GNB1L: variants seen among roughly 807,000 people sequenced by gnomAD.
GNB1L encodes G protein subunit beta 1 like.
A neutral mutation model predicts 29.1 loss-of-function variants in GNB1L; 20 were observed. That is an observed-to-expected ratio of 0.69 (90% CI 0.48 to 1.00). The LOEUF (loss-of-function observed/expected upper bound fraction) is 1.00, where lower values mean the gene tolerates loss of function less well. Among genes scored for constraint, GNB1L ranks in the 50% least tolerant of loss-of-function variants. The pLI, the probability that GNB1L is intolerant of heterozygous loss-of-function variation, is 0.00. For synonymous variants in GNB1L, 193 were observed against 206.5 expected, an observed-to-expected ratio of 0.93 and a Z score of 0.56; for missense variants, 421 against 464.9, an observed-to-expected ratio of 0.91 and a Z score of 0.87.
At chr22:19,850,619 C>T in intron 2 of GNB1L, 4 of 1,217,546 alleles carry the variant, frequency 3.3e-6, no homozygotes, top group Non-Finnish European at 4.1e-6. Context: ...CTATCCCACT[C>T]ATCCCCCAGA....
intron 7 of GNB1L, among the ~76,000 whole-genome samples, chr22:19,797,313 C>G (rs1369267939): frequency 7.5e-6 from 1 of 133,434 alleles, no homozygotes; most frequent in Non-Finnish European, 1.6e-5. Context: ...CCCAGCCCAG[C>G]AGAGTGGGCG....
rs146316640 is a variant in GNB1L at position 19,806,889 on chromosome 22, G to C, written c.418-132C>G. 260 of 732,638 alleles carry C rather than the reference G, an allele frequency of 3.5e-4. No individual in the cohort carries two copies. The African/African-American group carries it at 4.1e-3, about 12-fold the overall frequency. 45.4% of individuals were successfully genotyped at this position (732,638 alleles called of 1,614,324 possible). On this transcript the variant is annotated intron_variant, in intron 5 of 7. Coordinates refer to ENST00000329517, the MANE Select transcript of GNB1L (RefSeq NM_053004.3). Reference sequence around the variant, plus strand: ...CTGCTCCCCTCCCCGTGGGCACCTGGGAGCCCAGGCTCCTAATTAGGCTGC... The same window carrying C: ...CTGCTCCCCTCCCCGTGGGCACCTGCGAGCCCAGGCTCCTAATTAGGCTGC...
chr22:19,852,319 G>A lies in GNB1L; in HGVS notation c.-21+2124C>T, dbSNP rs1428852256. On this transcript the variant is annotated intron_variant, in intron 2 of 7. Coordinates refer to ENST00000329517, the MANE Select transcript of GNB1L (RefSeq NM_053004.3). ...AGCACTGGTGGGTGGTGGGGGTGTG[G>A]ACAGATGTGGCTTGCACGACACAAC... 9.1e-6 allele frequency: 14 copies of A among 1,541,116 alleles called. No individual in the cohort carries two copies. In the East Asian group the frequency reaches 1.1e-4, roughly 12 times the overall value.
At chr22:19,828,642 T>C (rs1463557624) in intron 2 of GNB1L, among the ~76,000 whole-genome samples, 1 of 149,348 alleles carries the variant, frequency 6.7e-6, no homozygotes, top group Non-Finnish European at 1.5e-5. Context: ...TGAGACCCTA[T>C]CTAAAAAAAA....
intron 2 of GNB1L, among the ~76,000 whole-genome samples, chr22:19,829,143 C>T (rs1367398945): frequency 6.6e-6 from 1 of 152,170 alleles, no homozygotes. Flanking sequence ...TAACATACTA[C>T]TCTTAGTACA....
intron 5 of GNB1L, among the ~76,000 whole-genome samples, chr22:19,807,825 G>A (rs1180466451): frequency 6.6e-6 from 1 of 152,172 alleles, no homozygotes; most frequent in African/African-American, 2.4e-5. Context: ...GAAGCTTGCT[G>A]CCCTCACTAA....
At chr22:19,840,882 C>G (rs1937849516) in intron 2 of GNB1L, among the ~76,000 whole-genome samples, 1 of 152,072 alleles carries the variant, frequency 6.6e-6, no homozygotes, top group Non-Finnish European at 1.5e-5. Context: ...CTTTTCTTCC[C>G]AAAACCCTTA....
Position 19,847,803 on chromosome 22 carries a change from G to GAAAAAAAAAAAAAAA in GNB1L, c.-21+6639_-21+6640insTTTTTTTTTTTTTTT, listed in dbSNP as rs1468350618. On this transcript the variant is annotated intron_variant, in intron 2 of 7. Transcript: ENST00000329517. ...AACTTTTAAAATCCTGGAATCATAG[G>GAAAAAAAAAAAAAAA]CAAAAAAAAAAAAAAAAAAAAATTC... 127 of 440,326 alleles carry GAAAAAAAAAAAAAAA rather than the reference G, an allele frequency of 2.9e-4. 6 individuals carry two copies. The East Asian group carries it at 5.6e-3, about 19-fold the overall frequency. The allele number at this position is 440,326 out of a possible 1,614,324, so 27.3% of individuals were successfully genotyped here. A position where few individuals can be genotyped will look rare whatever the true frequency, so the allele number is the denominator to read the frequency against.
At chr22:19,851,819 C>A in intron 2 of GNB1L, 1 of 1,613,936 alleles carries the variant, frequency 6.2e-7, no homozygotes. Context: ...CTGGGCTCGG[C>A]CTGTTAGGCG....
chr22:19,836,423 C>T (rs888658248), intron 2 of GNB1L, among the ~76,000 whole-genome samples: 1 of 152,022 alleles, frequency 6.6e-6, no homozygotes, highest in African/African-American at 2.4e-5. Flanking sequence ...TTCCAGCCCA[C>T]ATGACTTTAC....
In GNB1L at chr22:19,816,175, T is replaced by C. The variant is rs1937522909; in HGVS notation, c.255-3728A>G. 6.6e-6 allele frequency among the ~76,000 whole-genome samples: 1 copy of C among 152,170 alleles called. No homozygotes were observed. Among genetic ancestry groups the C allele is most frequent in the South Asian group, 2.1e-4 (1 of 4,836 alleles). On this transcript the variant is annotated intron_variant, in intron 4 of 7. Transcript: ENST00000329517. This position sits in a 1 kb window ranked among gnomAD's most constrained non-coding sequence, Gnocchi z 4.4. The stretch of plus-strand genomic sequence containing the variant: ...CCTGTCTCTGCCTCTCTCTCATGTC[T>C]TTGCACTCCTTCCTTCCCTGGGGAC...
chr22:19,836,540 A>T (rs1601346505), intron 2 of GNB1L, among the ~76,000 whole-genome samples: 1 of 152,264 alleles, frequency 6.6e-6, no homozygotes. Flanking sequence ...TGATGAGGCT[A>T]GCACTAACCC....
chr22:19,788,762 C>T lies in GNB1L; in HGVS notation c.931G>A (p.Ala311Thr), dbSNP rs771374805. The change falls in exon 8 of 8, where the codon GCG (alanine) becomes ACG (threonine). Residue 311 changes from alanine (A) to threonine (T), a missense_variant. Transcript: ENST00000329517. The part of the protein sequence containing the change: ...VAFTADGLLA[A>T]GSKDQRISLW... ...CTGATCCGCTGATCCTTGGAGCCCG[C>T]GGCCAGCAAGCCATCGGCGGTGAAG... 13 of 1,611,762 alleles carry T rather than the reference C, an allele frequency of 8.1e-6. No homozygotes were observed. The highest frequency in any genetic ancestry group is 3.3e-5 in the South Asian group (3 of 91,034).
At chr22:19,846,270 A>T in intron 2 of GNB1L, 1 of 257,034 alleles carries the variant, frequency 3.9e-6, no homozygotes, top group Non-Finnish European at 6.1e-6. Flanking sequence ...AGTTACACTT[A>T]CAGGTGGACT....
At position 19,821,277 on chromosome 22, in the gene GNB1L, G is replaced by A. The variant is rs775037337; in HGVS notation, c.79C>T (p.His27Tyr). 2 of 1,613,388 alleles carry A rather than the reference G, an allele frequency of 1.2e-6. No individual in the cohort carries two copies. Among genetic ancestry groups the A allele is most frequent in the African/African-American group, 1.3e-5 (1 of 75,062 alleles). Residue 27 changes from histidine to tyrosine, a missense_variant, in exon 3 of 8, where the codon CAC becomes TAC. His to Tyr is a moderately conservative substitution (Grantham distance 83). Transcript: ENST00000329517. Reference protein sequence around the residue: ...RGTQSPVHALHFCEGAQAQGR... With the variant: ...RGTQSPVHALYFCEGAQAQGR... The stretch of plus-strand genomic sequence containing the variant: ...TGAGCCTGGGCTCCTTCGCAGAAGT[G>A]CAGCGCATGCACCGGTGACTGGGTG...
chr22:19,808,391 T>C (rs531671778), intron 5 of GNB1L, among the ~76,000 whole-genome samples: 2 of 152,100 alleles, frequency 1.3e-5, no homozygotes, highest in South Asian at 4.1e-4. Flanking sequence ...AACTCAGTAA[T>C]GGGAGAGGTG....
intron 7 of GNB1L, chr22:19,792,401 T>A (rs1937261257): frequency 2.0e-6 from 3 of 1,495,304 alleles, no homozygotes; most frequent in Non-Finnish European, 2.8e-6. Flanking sequence ...AGAAAAGGCC[T>A]AAGAATTTTG....
At chr22:19,798,875 G>T (rs1192925252) in intron 7 of GNB1L, among the ~76,000 whole-genome samples, 1 of 152,244 alleles carries the variant, frequency 6.6e-6, no homozygotes. Flanking sequence ...TCCTGGCCCT[G>T]CAGTGACAGC....
At chr22:19,804,874 C>G (rs887664134) in intron 6 of GNB1L, among the ~76,000 whole-genome samples, 1 of 152,232 alleles carries the variant, frequency 6.6e-6, no homozygotes, top group African/African-American at 2.4e-5. Flanking sequence ...TGTGCAATGA[C>G]CCACGTTTCC....
Sources: gnomAD v4.1 joint callset for allele counts (sites outside exome capture counted in the v4.1 genomes callset) on GRCh38, gnomAD v4.1.1 for gene constraint, Gnocchi (gnomAD v3.1) non-coding constraint, MANE v1.5 for transcripts, NCBI Gene and HGNC (gene_info 2026-07-23, HGNC 2026-07-21) for gene names.